The following ZNF223 variants were observed in gnomAD, a reference collection of about 807,000 sequenced individuals.
ZNF223 encodes the protein Homo sapiens zinc finger protein 223.
Under a neutral mutation model 12.3 loss-of-function variants are expected in ZNF223, and 9 were observed. The ratio of observed to expected loss-of-function variants is 0.73; its 90% confidence interval spans 0.44 to 1.28. The LOEUF (loss-of-function observed/expected upper bound fraction) is 1.28, where lower values mean the gene tolerates loss of function less well. Ranked by LOEUF, ZNF223 falls within the 50% of genes most tolerant of loss-of-function variation. The pLI is 0.00. For synonymous variants in ZNF223, 171 were observed against 195.2 expected (o/e 0.88, Z 1.03); for missense variants, 506 against 579.0 (o/e 0.87, Z 1.29).
intron 2 of ZNF223, among the ~76,000 whole-genome samples, chr19:44,056,322 C>T (rs545886313): frequency 6.9e-6 from 1 of 145,884 alleles, no homozygotes; most frequent in South Asian, 2.2e-4. Context: ...TAGAGACCAT[C>T]CTGGCTAATA....
chr19:44,059,233 A>G (rs1445995746), intron 2 of ZNF223, among the ~76,000 whole-genome samples: 3 of 152,178 alleles, frequency 2.0e-5, no homozygotes. Flanking sequence ...CCTGGTTTTC[A>G]TTATGTGGAA....
chr19:44,058,907 A>C (rs11883398), intron 2 of ZNF223, among the ~76,000 whole-genome samples: 4,478 of 152,278 alleles, frequency 0.029, 217 homozygotes, highest in African/African-American at 0.1. Context: ...CCAGTGGTGC[A>C]TCTCGCTTCC....
Position 44,067,523 on chromosome 19 carries a change from C to CTT in ZNF223, c.*248_*249dup. ...TGTACTTTTGCATCCATTAGCCAAC[C>CTT]TTTGGCCATCCCACCTATCCCTTAC... is the stretch of plus-strand genomic sequence containing the variant. On this transcript the variant is annotated 3_prime_UTR_variant, in exon 5 of 5. Transcript: ENST00000434772. 3.7e-6 allele frequency: 2 copies of CTT among 537,938 alleles called. No individual in the cohort carries two copies. Among genetic ancestry groups the CTT allele is most frequent in the South Asian group, 1.6e-5 (1 of 60,718 alleles). 33.3% of individuals were successfully genotyped at this position (537,938 alleles called of 1,614,324 possible).
At chr19:44,052,651 C>A (rs72480792) in intron 1 of ZNF223, among the ~76,000 whole-genome samples, 15,423 of 152,078 alleles carry the variant, frequency 0.1, 1,045 homozygotes, top group East Asian at 0.22. Context: ...TTACATTTTT[C>A]CTGTTTGCTT....
Position 44,066,728 on chromosome 19 carries a change from G to A in ZNF223, c.900G>A (p.Arg300=), listed in dbSNP as rs746854811. ...TATGTAGTGTGAGCTTCCGTCTTAG[G>A]TCAAGTCTTAATAGGCATTGTGTGG... The part of the protein sequence containing the change: ...CEICSVSFRL[R]SSLNRHCVVH... The change falls in exon 5 of 5, where the codon AGG becomes AGA. Residue 300 remains arginine (R), a synonymous_variant. Coordinates refer to ENST00000434772, the MANE Select transcript of ZNF223 (RefSeq NM_013361.6). The A allele has an allele frequency of 1.2e-6, 2 of 1,614,208 alleles. No homozygotes were observed. The highest frequency in any genetic ancestry group is 1.7e-6 in the Non-Finnish European group (2 of 1,180,044).
intron 4 of ZNF223, among the ~76,000 whole-genome samples, chr19:44,064,849 T>C (rs1052312304): frequency 7.2e-5 from 11 of 152,158 alleles, no homozygotes; most frequent in African/African-American, 2.7e-4. Flanking sequence ...GCATGTTACA[T>C]ACCCAAAATT....
intron 2 of ZNF223, 30 bp downstream of exon 2, chr19:44,055,221 A>C: frequency 6.2e-7 from 1 of 1,611,316 alleles, no homozygotes; most frequent in Non-Finnish European, 8.5e-7. Flanking sequence ...CTTACTGTTA[A>C]AATTCCATCT....
Position 44,067,228 on chromosome 19 carries a change from G to T in ZNF223, c.1400G>T (p.Arg467Met). ...GAAGACTGTGGGAAGCGCTACAAGAGGCGCTTGAATCTTGATATAATTTTA... is the reference window on the plus strand; with the variant it reads ...GAAGACTGTGGGAAGCGCTACAAGATGCGCTTGAATCTTGATATAATTTTA... ...KCEDCGKRYK[R>M]RLNLDIILSL... The change falls in exon 5 of 5, where the codon AGG becomes ATG. Residue 467 changes from arginine to methionine, a missense_variant. Transcript: ENST00000434772. 6.2e-7 allele frequency: 1 copy of T among 1,607,466 alleles called. No homozygotes were observed. The highest frequency in any genetic ancestry group is 1.3e-5 in the African/African-American group (1 of 74,430).
At chr19:44,061,441 C>T (rs1372734240) in intron 4 of ZNF223, among the ~76,000 whole-genome samples, 3 of 152,366 alleles carry the variant, frequency 2.0e-5, no homozygotes, top group African/African-American at 4.8e-5. Flanking sequence ...AGTCCCTAGA[C>T]ACTGTCCACA....
At position 44,066,840 on chromosome 19, in the gene ZNF223, C is replaced by T. The variant is rs900183094; in HGVS notation, c.1012C>T (p.His338Tyr). The T allele has an allele frequency of 2.5e-6, 4 of 1,612,608 alleles. No individual in the cohort carries two copies. In the Admixed American group the frequency reaches 6.7e-5, roughly 27 times the overall value. Reference protein sequence around the residue: ...RLDLCKHQTIHTGEKPYNCKE... With the variant: ...RLDLCKHQTIYTGEKPYNCKE... ...GGATTTGTGTAAGCATCAGACGATC[C>T]ACACAGGAGAGAAACCATATAATTG... is the stretch of plus-strand genomic sequence containing the variant. The change falls in exon 5 of 5, where the codon CAC becomes TAC. Residue 338 changes from histidine (H) to tyrosine (Y), a missense_variant. Physicochemically the swap from His to Tyr is moderately conservative, Grantham distance 83 (BLOSUM62 2). Transcript: ENST00000434772.
intron 4 of ZNF223, among the ~76,000 whole-genome samples, chr19:44,062,711 A>G (rs894370138): frequency 5.3e-5 from 8 of 151,860 alleles, no homozygotes; most frequent in African/African-American, 1.9e-4. Context: ...GGAGCTTTCC[A>G]TAGGGAGCAT....
chr19:44,066,405 A>G lies in ZNF223; in HGVS notation c.577A>G (p.Ile193Val). ...CTTCTGTTACATCTCAGCGCTTCAT[A>G]TTCATCAGAGAGTCCACCTGGGAGA... ...KSFCYISALHIHQRVHLGEKL... is the reference protein window; with the variant it reads ...KSFCYISALHVHQRVHLGEKL... Residue 193 changes from isoleucine (I) to valine (V), a missense_variant, in exon 5 of 5, where the codon ATT (isoleucine) becomes GTT (valine). Physicochemically the swap from Ile to Val is conservative, Grantham distance 29. Transcript: ENST00000434772. 6.2e-7 allele frequency: 1 copy of G among 1,614,218 alleles called. No individual in the cohort carries two copies. The highest frequency in any genetic ancestry group is 8.5e-7 in the Non-Finnish European group (1 of 1,180,042).
intron 4 of ZNF223, among the ~76,000 whole-genome samples, chr19:44,065,277 A>T (rs1052047672): frequency 2.0e-5 from 3 of 152,188 alleles, no homozygotes; most frequent in African/African-American, 7.2e-5. Flanking sequence ...TATTTTTAAA[A>T]ATGTTTTTTA....
At position 44,067,717 on chromosome 19, in the gene ZNF223, A is replaced by C; in HGVS notation, c.*440A>C. 3.3e-6 allele frequency: 1 copy of C among 299,478 alleles called. No homozygotes were observed. Among genetic ancestry groups the C allele is most frequent in the East Asian group, 7.2e-5 (1 of 13,946 alleles). 18.6% of individuals were successfully genotyped at this position (299,478 alleles called of 1,614,324 possible). A position where few individuals can be genotyped will look rare whatever the true frequency, so the allele number is the denominator to read the frequency against. On this transcript the variant is annotated 3_prime_UTR_variant, in exon 5 of 5. Transcript: ENST00000434772. ...AGAATGCTGCAGGGTTTCTAACAGA[A>C]GTTTGACAATTAGTTATTATTCAGG...
In ZNF223 at chr19:44,060,577, A is replaced by T; in HGVS notation, c.138A>T (p.Ser46=). The change falls in exon 3 of 5, where the codon TCA becomes TCT. Residue 46 remains serine, a synonymous_variant. Coordinates refer to ENST00000434772, the MANE Select transcript of ZNF223 (RefSeq NM_013361.6). ...TGGAGAACTTCAGGAACCTGCTGTC[A>T]GTGGGTGAGGACAGGCATCTTCTAT... The part of the protein sequence containing the change: ...VMLENFRNLL[S]VGHQPFHRDT... 6.2e-7 allele frequency: 1 copy of T among 1,614,092 alleles called. No homozygotes were observed. The highest frequency in any genetic ancestry group is 1.3e-5 in the African/African-American group (1 of 75,030).
At chr19:44,060,907 A>G in intron 4 of ZNF223, 66 bp downstream of exon 4, 5 of 1,429,322 alleles carry the variant, frequency 3.5e-6, no homozygotes, top group Non-Finnish European at 3.9e-6. Context: ...GTGCACGTCC[A>G]ACTCCATTAC....
chr19:44,066,821 G>T lies in ZNF223; in HGVS notation c.993G>T (p.Leu331Phe). The change falls in exon 5 of 5, where the codon TTG (leucine) becomes TTT (phenylalanine). Residue 331 changes from leucine to phenylalanine, a missense_variant. Transcript: ENST00000434772. ...YGKGFIRRLDLCKHQTIHTGE... is the reference protein window; with the variant it reads ...YGKGFIRRLDFCKHQTIHTGE... ...AAGGCTTCATTCGTAGGCTGGATTT[G>T]TGTAAGCATCAGACGATCCACACAG... is the stretch of plus-strand genomic sequence containing the variant. 1 of 1,613,420 alleles carries T rather than the reference G, an allele frequency of 6.2e-7. No homozygotes were observed. The highest frequency in any genetic ancestry group is 8.5e-7 in the Non-Finnish European group (1 of 1,179,826).
At chr19:44,057,011 G>T (rs993908750) in intron 2 of ZNF223, among the ~76,000 whole-genome samples, 5 of 152,224 alleles carry the variant, frequency 3.3e-5, no homozygotes, top group Admixed American at 2.6e-4. Context: ...AAAGAAAAAA[G>T]TTCAAACAGA....
At chr19:44,062,627 G>T (rs535026276) in intron 4 of ZNF223, among the ~76,000 whole-genome samples, 1 of 151,790 alleles carries the variant, frequency 6.6e-6, no homozygotes, top group Non-Finnish European at 1.5e-5. Context: ...CCCATGTCCT[G>T]TGGAAACTTC....
Sources: gnomAD v4.1 joint callset for allele counts (sites outside exome capture counted in the v4.1 genomes callset) on GRCh38, gnomAD v4.1.1 for gene constraint, MANE v1.5 for transcripts, NCBI Gene and HGNC (gene_info 2026-07-23, HGNC 2026-07-21) for gene names.